Variants in RELCH observed in about 807,000 individuals in gnomAD.
RELCH encodes the protein RAB11-binding protein RELCH.
In RELCH, 41 loss-of-function variants were observed where a neutral mutation model predicts 150.3. The ratio of observed to expected loss-of-function variants is 0.27; its 90% CI spans 0.21 to 0.35. The LOEUF (loss-of-function observed/expected upper bound fraction) is 0.35. Among genes scored for constraint, RELCH ranks in the 10% least tolerant of loss-of-function variants. The pLI, the probability that RELCH is intolerant of heterozygous loss-of-function variation, is 1.00. For missense variants in RELCH, 1,092 were observed against 1,467.8 expected, an observed-to-expected ratio of 0.74 and a Z score of 4.18; for synonymous variants, 478 against 531.8, an observed-to-expected ratio of 0.90 and a Z score of 1.39.
intron 27 of RELCH, among the ~76,000 whole-genome samples, chr18:62,297,021 C>T (rs985252211): frequency 2.0e-5 from 3 of 152,202 alleles, no homozygotes; most frequent in African/African-American, 7.2e-5. Flanking sequence ...AATTTCCCTA[C>T]CTCCATTAGG....
chr18:62,305,626 GT>G lies in RELCH; in HGVS notation c.*96del. On this transcript the variant is annotated 3_prime_UTR_variant, in exon 29 of 29. Coordinates refer to ENST00000644646, the MANE Select transcript of RELCH (RefSeq NM_001346231.2). The surrounding 1 kb of genome is among the most constrained non-coding windows in gnomAD (Gnocchi z 4.0). ...AGTACTTGCCTTTTTTGTTTCCTCA[GT>G]TTTATGTTCTTGCATTATAATTTTA... The G allele has an allele frequency of 7.5e-7, 1 of 1,327,426 alleles. No individual in the cohort carries two copies. The highest frequency in any genetic ancestry group is 1.0e-6 in the Non-Finnish European group (1 of 976,528). The allele number at this position is 1,327,426 out of a possible 1,614,324, so 82.2% of individuals were successfully genotyped here. A position where few individuals can be genotyped will look rare whatever the true frequency, so the allele number is the denominator to read the frequency against.
At chr18:62,249,502 A>G (rs1268086179) in intron 11 of RELCH, among the ~76,000 whole-genome samples, 3 of 152,184 alleles carry the variant, frequency 2.0e-5, no homozygotes, top group African/African-American at 4.8e-5. Context: ...TGGTGGTACT[A>G]TAGGAAAATT....
At chr18:62,281,566 C>T (rs533263692) in intron 24 of RELCH, among the ~76,000 whole-genome samples, 3 of 152,274 alleles carry the variant, frequency 2.0e-5, no homozygotes, top group South Asian at 4.1e-4. Flanking sequence ...CTATAAGACA[C>T]TTCTCAAAAT....
At chr18:62,201,804 A>C (rs537586497) in intron 1 of RELCH, among the ~76,000 whole-genome samples, 1 of 152,292 alleles carries the variant, frequency 6.6e-6, no homozygotes, top group African/African-American at 2.4e-5. Flanking sequence ...TTGTTCAATA[A>C]ATATTTAAAT....
chr18:62,289,648 A>C (rs1034409825), intron 26 of RELCH, among the ~76,000 whole-genome samples: 1 of 152,218 alleles, frequency 6.6e-6, no homozygotes, highest in Non-Finnish European at 1.5e-5. Context: ...TAATTGAGCT[A>C]TCTAAAATGC....
intron 1 of RELCH, among the ~76,000 whole-genome samples, chr18:62,204,186 T>C (rs759282343): frequency 1.6e-4 from 25 of 151,784 alleles, no homozygotes; most frequent in Non-Finnish European, 2.7e-4. Context: ...TTTATAATTA[T>C]TTATAGTACT....
At chr18:62,206,247 A>T (rs1542955) in intron 1 of RELCH, among the ~76,000 whole-genome samples, 12,388 of 152,210 alleles carry the variant, frequency 0.081, 616 homozygotes, top group South Asian at 0.18. Context: ...ATGGGTTTTC[A>T]CCATGTTGGC....
At chr18:62,283,455 A>T (rs534564527) in intron 25 of RELCH, among the ~76,000 whole-genome samples, 23 of 152,288 alleles carry the variant, frequency 1.5e-4, no homozygotes, top group African/African-American at 5.5e-4. Flanking sequence ...GGTCACTTAA[A>T]TCAGTTTAGT....
intron 10 of RELCH, among the ~76,000 whole-genome samples, chr18:62,236,339 T>A (rs2148458426): frequency 6.6e-6 from 1 of 152,122 alleles, no homozygotes; most frequent in South Asian, 2.1e-4. Context: ...AACCTTCTAA[T>A]GTGCTTTTGG....
chr18:62,275,045 T>C (rs1170772878), intron 21 of RELCH, among the ~76,000 whole-genome samples: 1 of 152,180 alleles, frequency 6.6e-6, no homozygotes, highest in East Asian at 1.9e-4. Context: ...GCCTCCTGAG[T>C]AGCTGGGACT....
At chr18:62,192,515 T>G (rs2038721912) in intron 1 of RELCH, among the ~76,000 whole-genome samples, 1 of 152,210 alleles carries the variant, frequency 6.6e-6, no homozygotes, top group African/African-American at 2.4e-5. Flanking sequence ...GTTTTCATAG[T>G]TTTGGGTTCT....
intron 10 of RELCH, among the ~76,000 whole-genome samples, chr18:62,243,797 G>C (rs1270847115): frequency 6.6e-6 from 1 of 152,022 alleles, no homozygotes; most frequent in South Asian, 2.1e-4. Flanking sequence ...TATTACAATA[G>C]TGATCAATTT....
intron 7 of RELCH, 64 bp downstream of exon 7, chr18:62,227,753 G>T: frequency 2.8e-6 from 2 of 724,626 alleles, no homozygotes; most frequent in South Asian, 2.4e-5. Flanking sequence ...GGCAAGTTAT[G>T]CAAATATATG....
rs1318382653 is a variant in RELCH at position 62,221,214 on chromosome 18, A to T, written c.689-5A>T. On this transcript the variant is annotated splice_region_variant and splice_polypyrimidine_tract_variant and intron_variant, in intron 3 of 28. Coordinates refer to ENST00000644646, the MANE Select transcript of RELCH (RefSeq NM_001346231.2). ...TAAAATAGTACTTATGTTTTTTTCC[A>T]CCAGAACATGAAGTTCCTTTACAGG... 6.2e-7 allele frequency: 1 copy of T among 1,608,764 alleles called. No individual in the cohort carries two copies. The highest frequency in any genetic ancestry group is 1.7e-5 in the Admixed American group (1 of 59,734).
chr18:62,223,664 T>C (rs1390819915), intron 5 of RELCH, among the ~76,000 whole-genome samples: 2 of 152,102 alleles, frequency 1.3e-5, no homozygotes, highest in Non-Finnish European at 2.9e-5. Flanking sequence ...TTAATATAGA[T>C]ATAGAAATTA....
intron 10 of RELCH, among the ~76,000 whole-genome samples, chr18:62,239,337 T>C (rs2042027341): frequency 6.6e-6 from 1 of 151,950 alleles, no homozygotes; most frequent in Non-Finnish European, 1.5e-5. Context: ...AATCTTTTTT[T>C]TTTTTTCTTA....
At chr18:62,255,707 G>T (rs2042963903) in intron 13 of RELCH, among the ~76,000 whole-genome samples, 2 of 152,162 alleles carry the variant, frequency 1.3e-5, no homozygotes, top group South Asian at 2.1e-4. Flanking sequence ...TATATCAGCA[G>T]TTCTCATAGT....
At chr18:62,293,115 T>C (rs1045529771) in intron 27 of RELCH, among the ~76,000 whole-genome samples, 17 of 152,216 alleles carry the variant, frequency 1.1e-4, no homozygotes, top group African/African-American at 3.9e-4. Flanking sequence ...CGTCTTTTCT[T>C]CCATGCCTTT....
chr18:62,220,480 C>G (rs1456471918), intron 2 of RELCH, among the ~76,000 whole-genome samples: 1 of 151,182 alleles, frequency 6.6e-6, no homozygotes, highest in African/African-American at 2.4e-5. Context: ...ATATTGAAAC[C>G]ATATTCCTTC....
Sources: allele counts gnomAD v4.1 joint callset (sites outside exome capture counted in the v4.1 genomes callset), GRCh38; gene constraint gnomAD v4.1.1; non-coding constraint Gnocchi (gnomAD v3.1); transcripts MANE v1.5; gene names NCBI Gene and HGNC (gene_info 2026-07-23, HGNC 2026-07-21).